Variants in BCAS3 observed in about 807,000 individuals in gnomAD.
BCAS3 encodes BCAS3 microtubule associated cell migration factor, also known as BCAS4/BCAS3 fusion.
BCAS3 carries 53 observed loss-of-function variants against 116.1 expected under a neutral mutation model. The ratio of observed to expected loss-of-function variants is 0.46; its 90% confidence interval spans 0.37 to 0.57. The LOEUF (loss-of-function observed/expected upper bound fraction) is 0.57, where lower values mean the gene tolerates loss of function less well. Ranked by LOEUF, BCAS3 falls within the 20% of genes least tolerant of loss-of-function variation. BCAS3 has a pLI of 0.00. For synonymous variants in BCAS3, 391 were observed against 408.2 expected (o/e 0.96, Z 0.51); for missense variants, 917 against 1,165.4 (o/e 0.79, Z 3.10).
rs146721219 is a variant in BCAS3 at position 61,352,609 on chromosome 17, C to T, written c.2426-15718C>T. Among the ~76,000 whole-genome samples, 561 of 152,276 alleles carry T rather than the reference C, an allele frequency of 3.7e-3. 3 individuals are homozygous for T. Among genetic ancestry groups the T allele is most frequent in the African/African-American group, 0.013 (525 of 41,542 alleles). ...GCCTCGGAATCTCTTTACCCGTAGGCGCCACACTTGGCACACAATGAGTCT... is the reference window on the plus strand; with the variant it reads ...GCCTCGGAATCTCTTTACCCGTAGGTGCCACACTTGGCACACAATGAGTCT... On this transcript the variant is annotated intron_variant, in intron 22 of 23. Coordinates refer to ENST00000407086, the MANE Select transcript of BCAS3 (RefSeq NM_017679.5). The surrounding 1 kb of genome is among the most constrained non-coding windows in gnomAD (Gnocchi z 4.7).
Position 61,284,387 on chromosome 17 carries a change from G to A in BCAS3, c.2426-83940G>A, listed in dbSNP as rs201834727. 2.6e-5 allele frequency among the ~76,000 whole-genome samples: 4 copies of A among 152,156 alleles called. No homozygotes were observed. The East Asian group carries it at 7.7e-4, about 29-fold the overall frequency. On this transcript the variant is annotated intron_variant, in intron 22 of 23. Transcript: ENST00000407086. ...CAGGAAGGTCTGTGGCTTCATTCCT[G>A]AGAATGAAGTCAGCGAGACCACGAA...
intron 22 of BCAS3, among the ~76,000 whole-genome samples, chr17:61,194,519 A>C (rs1421338854): frequency 3.3e-5 from 5 of 152,056 alleles, no homozygotes; most frequent in African/African-American, 1.2e-4. Context: ...CGGGTGGATC[A>C]CCTGAGGTCG....
At chr17:60,698,531 G>C (rs1467892255) in intron 4 of BCAS3, among the ~76,000 whole-genome samples, 2 of 152,092 alleles carry the variant, frequency 1.3e-5, no homozygotes, top group Non-Finnish European at 2.9e-5. Context: ...CCACCATCCA[G>C]AGAAAGTGAC....
chr17:61,283,021 G>A (rs1216276629), intron 22 of BCAS3, among the ~76,000 whole-genome samples: 1 of 151,160 alleles, frequency 6.6e-6, no homozygotes. Context: ...TCAGCCCATG[G>A]CATCTTTTAT....
intron 12 of BCAS3, among the ~76,000 whole-genome samples, chr17:60,918,347 G>T (rs567023978): frequency 5.3e-5 from 8 of 152,250 alleles, no homozygotes; most frequent in Admixed American, 2.6e-4. Context: ...TGGGGTACAT[G>T]TGATATTTTG....
At chr17:61,117,521 A>G (rs1403366566) in intron 22 of BCAS3, among the ~76,000 whole-genome samples, 1 of 152,154 alleles carries the variant, frequency 6.6e-6, no homozygotes, top group Non-Finnish European at 1.5e-5. Context: ...GCTTGAGCCC[A>G]GAGTTTGAGG....
intron 22 of BCAS3, among the ~76,000 whole-genome samples, chr17:61,321,925 TG>T (rs200611711): frequency 3.3e-5 from 5 of 149,876 alleles, no homozygotes; most frequent in African/African-American, 1.3e-4. Context: ...TCCCGTTTTT[TG>T]TTTGTTTGTT....
intron 19 of BCAS3, among the ~76,000 whole-genome samples, chr17:61,064,844 A>G (rs980063310): frequency 1.3e-5 from 2 of 152,186 alleles, no homozygotes; most frequent in Admixed American, 1.3e-4. Context: ...GATCCCTATA[A>G]TATATAATGT....
chr17:61,165,469 G>A (rs545957072), intron 22 of BCAS3, among the ~76,000 whole-genome samples: 4 of 152,230 alleles, frequency 2.6e-5, no homozygotes, highest in East Asian at 3.9e-4. Flanking sequence ...AGGCTGAGGC[G>A]AGTGCATTAC....
At position 61,243,479 on chromosome 17, in the gene BCAS3, A is replaced by G. The variant is rs1048488191; in HGVS notation, c.2426-124848A>G. ...GATACCTCTTCGAGATCCACATTTC[A>G]GTTCCTTTTGATATATACACCCAGC... On this transcript the variant is annotated intron_variant, in intron 22 of 23. Coordinates refer to ENST00000407086, the MANE Select transcript of BCAS3 (RefSeq NM_017679.5). The surrounding 1 kb of genome is among the most constrained non-coding windows in gnomAD (Gnocchi z 5.6). 6.6e-6 allele frequency among the ~76,000 whole-genome samples: 1 copy of G among 151,400 alleles called. No individual in the cohort carries two copies. Among genetic ancestry groups the G allele is most frequent in the African/African-American group, 2.5e-5 (1 of 40,702 alleles).
chr17:60,906,131 G>A (rs1011174898), intron 11 of BCAS3, among the ~76,000 whole-genome samples: 1 of 152,140 alleles, frequency 6.6e-6, no homozygotes, highest in Non-Finnish European at 1.5e-5. Flanking sequence ...CTTTTTGTTA[G>A]AAAAGAAATT....
At chr17:60,938,810 A>G (rs2060080146) in intron 13 of BCAS3, among the ~76,000 whole-genome samples, 1 of 152,228 alleles carries the variant, frequency 6.6e-6, no homozygotes, top group Admixed American at 6.5e-5. Context: ...CAATCATGTC[A>G]CAAAAGAAAA....
At chr17:61,069,879 G>A (rs778296156) in intron 19 of BCAS3, 6 of 1,000,520 alleles carry the variant, frequency 6.0e-6, no homozygotes, top group South Asian at 2.6e-5. Context: ...AGATGGCGCC[G>A]AAAGCGAAGA....
At position 61,392,056 on chromosome 17, in the gene BCAS3, T is replaced by C. The variant is rs779705559; in HGVS notation, c.2673T>C (p.Asp891=). The C allele has an allele frequency of 3.7e-6, 6 of 1,613,830 alleles. No homozygotes were observed. In the Admixed American group the frequency reaches 8.3e-5, roughly 22 times the overall value. The change falls in exon 24 of 24, where the codon GAT becomes GAC. Residue 891 remains aspartate, a synonymous_variant. Coordinates refer to ENST00000407086, the MANE Select transcript of BCAS3 (RefSeq NM_017679.5). This position sits in a 1 kb window ranked among gnomAD's most constrained non-coding sequence, Gnocchi z 6.4. ...GCGGCAGCATACCAAGAAACTTTGATGGCTACCGATCTCCGCTGCCCACCA... is the reference window on the plus strand; with the variant it reads ...GCGGCAGCATACCAAGAAACTTTGACGGCTACCGATCTCCGCTGCCCACCA... ...STSGSIPRNF[D]GYRSPLPTNE... is the part of the protein sequence containing the mutation.
chr17:60,880,785 A>G (rs2056051845), intron 9 of BCAS3, among the ~76,000 whole-genome samples: 1 of 152,112 alleles, frequency 6.6e-6, no homozygotes, highest in African/African-American at 2.4e-5. Context: ...GACACTGACC[A>G]TTTTTAATGT....
chr17:60,936,115 T>A (rs1327877871), intron 13 of BCAS3, among the ~76,000 whole-genome samples: 1 of 151,442 alleles, frequency 6.6e-6, no homozygotes, highest in East Asian at 1.9e-4. Flanking sequence ...AGTGTTTGGT[T>A]TTTTGTCCTT....
intron 7 of BCAS3, among the ~76,000 whole-genome samples, chr17:60,815,912 A>G (rs563212697): frequency 4.2e-4 from 64 of 152,258 alleles, no homozygotes; most frequent in African/African-American, 1.5e-3. Flanking sequence ...TCGAATATAT[A>G]TATATTTTGC....
chr17:60,745,667 G>C (rs1267499552), intron 5 of BCAS3, among the ~76,000 whole-genome samples: 1 of 152,056 alleles, frequency 6.6e-6, no homozygotes, highest in Non-Finnish European at 1.5e-5. Context: ...GAGTAAATAA[G>C]TTCTTATAGT....
At chr17:60,829,094 CTAGAA>C (rs1343078984) in intron 7 of BCAS3, among the ~76,000 whole-genome samples, 1 of 141,948 alleles carries the variant, frequency 7.0e-6, no homozygotes, top group Non-Finnish European at 1.5e-5. Flanking sequence ...ATCTGTATGT[CTAGAA>C]CTGACATTGC....
Sources: gnomAD v4.1 joint callset for allele counts (sites outside exome capture counted in the v4.1 genomes callset) on GRCh38, gnomAD v4.1.1 for gene constraint, Gnocchi (gnomAD v3.1) non-coding constraint, MANE v1.5 for transcripts, NCBI Gene and HGNC (gene_info 2026-07-23, HGNC 2026-07-21) for gene names.